Variants in TRDN observed in about 807,000 individuals in gnomAD.
TRDN encodes triadin in skeletal muscle.
Under a neutral mutation model 149.7 loss-of-function variants are expected in TRDN, and 161 were observed. The observed-to-expected ratio is 1.08, with a 90% CI of 0.95 to 1.23. The LOEUF (loss-of-function observed/expected upper bound fraction) is 1.23, where lower values mean the gene tolerates loss of function less well. Among genes scored for constraint, TRDN ranks in the 50% most tolerant of loss-of-function variants. TRDN has a pLI of 0.00. For synonymous variants in TRDN, 294 were observed against 250.5 expected (o/e 1.17, Z -1.64); for missense variants, 896 against 823.5 (o/e 1.09, Z -1.08).
intron 10 of TRDN, among the ~76,000 whole-genome samples, chr6:123,444,014 G>A (rs71543101): frequency 0.14 from 20,003 of 147,446 alleles, 1,917 homozygotes; most frequent in African/African-American, 0.28. Context: ...CTCTTTTTTG[G>A]TCCCATATGA....
chr6:123,310,208 T>A (rs1778766256), intron 24 of TRDN, among the ~76,000 whole-genome samples: 1 of 152,028 alleles, frequency 6.6e-6, no homozygotes, highest in Non-Finnish European at 1.5e-5. Flanking sequence ...TTGACTAAAA[T>A]GATGGGACCA....
At position 123,218,800 on chromosome 6, in the gene TRDN, T is replaced by C. The variant is rs372519959; in HGVS notation, c.2051-60A>G. On this transcript the variant is annotated intron_variant, in intron 40 of 40. Transcript: ENST00000334268. ...GCAGAACATGAGCAAAAAAGCACAG[T>C]GAGGCAGTGCAGTGCAGCAGATAAG... 8.8e-5 allele frequency: 134 copies of C among 1,517,178 alleles called. 1 individual carries two copies. In the South Asian group the frequency reaches 1.4e-3, roughly 16 times the overall value. 94.0% of individuals were successfully genotyped at this position (1,517,178 alleles called of 1,614,324 possible).
At chr6:123,263,484 A>C (rs1380569218) in intron 33 of TRDN, among the ~76,000 whole-genome samples, 1 of 152,050 alleles carries the variant, frequency 6.6e-6, no homozygotes, top group African/African-American at 2.4e-5. Flanking sequence ...ATAATTGACC[A>C]AGGTGACTAC....
At chr6:123,318,103 C>A (rs1394422921) in intron 23 of TRDN, among the ~76,000 whole-genome samples, 2 of 151,886 alleles carry the variant, frequency 1.3e-5, no homozygotes, top group African/African-American at 4.8e-5. Flanking sequence ...TAATTCCTAT[C>A]TAATTACTTA....
chr6:123,506,956 T>C (rs1485720776), intron 7 of TRDN, among the ~76,000 whole-genome samples: 1 of 152,152 alleles, frequency 6.6e-6, no homozygotes, highest in Non-Finnish European at 1.5e-5. Context: ...GGGCAGGAAT[T>C]CTATTATTAT....
At chr6:123,253,997 T>C (rs1270306473) in intron 37 of TRDN, among the ~76,000 whole-genome samples, 3 of 152,276 alleles carry the variant, frequency 2.0e-5, no homozygotes, top group East Asian at 1.9e-4. Context: ...AAATCTTGTC[T>C]GTACCATATA....
intron 21 of TRDN, among the ~76,000 whole-genome samples, chr6:123,337,948 T>A (rs980892144): frequency 1.3e-5 from 2 of 152,184 alleles, no homozygotes; most frequent in Non-Finnish European, 2.9e-5. Context: ...AGAAGAAAGA[T>A]ATAAGAATGA....
chr6:123,308,355 G>A (rs113269716), intron 24 of TRDN, among the ~76,000 whole-genome samples: 4 of 137,850 alleles, frequency 2.9e-5, no homozygotes, highest in Middle Eastern at 3.8e-3. Flanking sequence ...TTTTTTTTTG[G>A]TAGAAAGCTT....
intron 4 of TRDN, among the ~76,000 whole-genome samples, chr6:123,538,603 A>T (rs1182639951): frequency 1.3e-5 from 2 of 152,160 alleles, no homozygotes; most frequent in Non-Finnish European, 2.9e-5. Flanking sequence ...TACAGTGATA[A>T]GAAGATATTA....
intron 36 of TRDN, 36 bp downstream of exon 36, chr6:123,255,831 C>T (rs1776536205): frequency 7.8e-7 from 1 of 1,288,906 alleles, no homozygotes; most frequent in Non-Finnish European, 1.0e-6. Flanking sequence ...AGCTTCAGGG[C>T]TTTGCATTCT....
chr6:123,455,430 G>A (rs1054364253), intron 10 of TRDN, among the ~76,000 whole-genome samples: 1 of 149,724 alleles, frequency 6.7e-6, no homozygotes, highest in Admixed American at 6.6e-5. Flanking sequence ...GTGTGTGTGT[G>A]TGTGTGTGTC....
At chr6:123,427,371 C>G (rs778425952) in intron 12 of TRDN, among the ~76,000 whole-genome samples, 15 of 151,780 alleles carry the variant, frequency 9.9e-5, no homozygotes, top group Non-Finnish European at 1.9e-4. Flanking sequence ...AACTTCACTT[C>G]AAAATTTAAA....
intron 5 of TRDN, among the ~76,000 whole-genome samples, chr6:123,522,753 G>A (rs1295196240): frequency 6.6e-6 from 1 of 152,100 alleles, no homozygotes; most frequent in Non-Finnish European, 1.5e-5. Flanking sequence ...TTGTCTGTAG[G>A]AATCCAGTAG....
intron 1 of TRDN, among the ~76,000 whole-genome samples, chr6:123,633,818 G>A (rs1340715478): frequency 6.6e-6 from 1 of 151,954 alleles, no homozygotes; most frequent in Non-Finnish European, 1.5e-5. Flanking sequence ...GAGCAACTAG[G>A]TGAGGTTATA....
At chr6:123,601,183 G>T (rs1431276654) in intron 1 of TRDN, among the ~76,000 whole-genome samples, 2 of 152,078 alleles carry the variant, frequency 1.3e-5, no homozygotes, top group East Asian at 3.9e-4. Context: ...TTTTAATAAA[G>T]ATATCAGTAT....
At chr6:123,340,433 G>T (rs1780023333) in intron 21 of TRDN, among the ~76,000 whole-genome samples, 2 of 151,882 alleles carry the variant, frequency 1.3e-5, no homozygotes, top group African/African-American at 4.8e-5. Flanking sequence ...ATATTTTGTT[G>T]GAGCTTTCTG....
chr6:123,524,451 A>G (rs1194525101), intron 5 of TRDN, among the ~76,000 whole-genome samples: 1 of 152,140 alleles, frequency 6.6e-6, no homozygotes, highest in African/African-American at 2.4e-5. Flanking sequence ...AATTAAGAAA[A>G]TACTCAGGAT....
intron 12 of TRDN, among the ~76,000 whole-genome samples, chr6:123,410,133 A>G (rs956417270): frequency 1.3e-5 from 2 of 152,210 alleles, no homozygotes; most frequent in African/African-American, 4.8e-5. Context: ...AAATAATCAG[A>G]CATGCCGTCA....
At chr6:123,233,599 G>A (rs1005639641) in intron 38 of TRDN, among the ~76,000 whole-genome samples, 4 of 151,986 alleles carry the variant, frequency 2.6e-5, no homozygotes, top group African/African-American at 9.7e-5. Context: ...AGTGACAAAC[G>A]TTTCACCAAA....
Sources: allele counts gnomAD v4.1 joint callset (sites outside exome capture counted in the v4.1 genomes callset), GRCh38; gene constraint gnomAD v4.1.1; transcripts MANE v1.5; gene names NCBI Gene and HGNC (gene_info 2026-07-23, HGNC 2026-07-21).